SNX30: variants seen among roughly 807,000 people sequenced by gnomAD.
SNX30 encodes the protein sorting nexin family member 30, also known as sorting nexin-30.
A neutral mutation model predicts 46.4 loss-of-function variants in SNX30; 24 were observed. The ratio of observed to expected loss-of-function variants is 0.52; its 90% CI spans 0.37 to 0.73. SNX30 has a LOEUF of 0.73. Ranked by LOEUF, SNX30 falls within the 30% of genes least tolerant of loss-of-function variation. The probability of loss-of-function intolerance (pLI) is 0.00; values close to 1 mark genes in which losing one functional copy is unlikely to be tolerated. For missense variants in SNX30, 533 were observed against 555.7 expected (o/e 0.96, Z 0.41); for synonymous variants, 189 against 211.5 (o/e 0.89, Z 0.92).
At chr9:112,774,844 CTTTT>C (rs1279442088) in intron 1 of SNX30, among the ~76,000 whole-genome samples, 1 of 128,796 alleles carries the variant, frequency 7.8e-6, no homozygotes, top group Non-Finnish European at 1.6e-5. Context: ...TATTTATATG[CTTTT>C]TTTTTTTTTT....
chr9:112,806,614 C>T (rs924984856), intron 2 of SNX30, among the ~76,000 whole-genome samples: 27 of 152,056 alleles, frequency 1.8e-4, no homozygotes. Flanking sequence ...GAATAAAATA[C>T]TCAAGTTGTG....
At chr9:112,765,443 A>C (rs1197693619) in intron 1 of SNX30, among the ~76,000 whole-genome samples, 1 of 152,188 alleles carries the variant, frequency 6.6e-6, no homozygotes. Flanking sequence ...GTGAGCAAAC[A>C]CTGTCCATTT....
At position 112,824,533 on chromosome 9, in the gene SNX30, T is replaced by C. The variant is rs530881386; in HGVS notation, c.460-6192T>C. Among the ~76,000 whole-genome samples, 5 of 151,818 alleles carry C rather than the reference T, an allele frequency of 3.3e-5. No individual in the cohort carries two copies. The Middle Eastern group carries it at 0.01, about 310-fold the overall frequency. On this transcript the variant is annotated intron_variant, in intron 3 of 8. Coordinates refer to ENST00000374232, the MANE Select transcript of SNX30 (RefSeq NM_001012994.2). Reference sequence around the variant, plus strand: ...TCCCTCACCCCTACACCCAGGTGTTTTTTTTTTTTTAAGTACCTTAAACAA... The same window carrying C: ...TCCCTCACCCCTACACCCAGGTGTTCTTTTTTTTTTAAGTACCTTAAACAA...
At chr9:112,797,843 C>T (rs1398360417) in intron 1 of SNX30, among the ~76,000 whole-genome samples, 14 of 147,830 alleles carry the variant, frequency 9.5e-5, no homozygotes, top group African/African-American at 7.4e-5. Flanking sequence ...CCCGAGTAGG[C>T]GCACGCCACC....
chr9:112,766,893 A>G (rs1252526555), intron 1 of SNX30, among the ~76,000 whole-genome samples: 1 of 152,206 alleles, frequency 6.6e-6, no homozygotes, highest in Non-Finnish European at 1.5e-5. Flanking sequence ...CCTCTTGGCC[A>G]TTGTGAACAA....
intron 7 of SNX30, among the ~76,000 whole-genome samples, chr9:112,861,613 AG>A (rs1348774052): frequency 2.6e-5 from 4 of 152,210 alleles, no homozygotes; most frequent in Admixed American, 2.6e-4. Flanking sequence ...TCAGGAAAGC[AG>A]GACTTTGGGA....
At chr9:112,842,991 A>G (rs1490251873) in intron 6 of SNX30, among the ~76,000 whole-genome samples, 2 of 152,378 alleles carry the variant, frequency 1.3e-5, no homozygotes, top group Non-Finnish European at 2.9e-5. Flanking sequence ...GAGCCCTTAC[A>G]TAGGATTTCA....
chr9:112,776,510 A>G (rs1407780545), intron 1 of SNX30, among the ~76,000 whole-genome samples: 1 of 152,156 alleles, frequency 6.6e-6, no homozygotes, highest in Non-Finnish European at 1.5e-5. Flanking sequence ...CAGTCTGCAG[A>G]TGTGCGGATC....
At chr9:112,809,109 C>T (rs1840276881) in intron 2 of SNX30, among the ~76,000 whole-genome samples, 2 of 139,930 alleles carry the variant, frequency 1.4e-5, no homozygotes, top group South Asian at 2.3e-4. Context: ...TTTTTTTTGA[C>T]AGAGTCTTGC....
chr9:112,838,444 A>G (rs778230437), intron 5 of SNX30, 54 bp from the exon 6 acceptor site: 235 of 1,488,556 alleles, frequency 1.6e-4, no homozygotes, highest in Non-Finnish European at 2.1e-4. Flanking sequence ...TGAGTCAGTA[A>G]TAGCAGCAAC....
chr9:112,877,635 C>T (rs1254074502), downstream of SNX30: 2 of 152,236 alleles, frequency 1.3e-5, no homozygotes, highest in Non-Finnish European at 2.9e-5. Flanking sequence ...ACTCCTGTAG[C>T]CTCTAACTCC....
At position 112,829,088 on chromosome 9, in the gene SNX30, T is replaced by G. The variant is rs541583540; in HGVS notation, c.460-1637T>G. ...CCATGATGTAGCATGTTTTAGTACT[T>G]AGTTTTTATGACAAACTATTAGTCC... On this transcript the variant is annotated intron_variant, in intron 3 of 8. Transcript: ENST00000374232. Among the ~76,000 whole-genome samples, 8 of 152,338 alleles carry G rather than the reference T, an allele frequency of 5.3e-5. No homozygotes were observed. The South Asian group carries it at 1.5e-3, about 28-fold the overall frequency.
rs368120332 is a variant in SNX30, at chr9:112,850,960, C to T, written c.1101+15C>T. 1.8e-5 allele frequency: 29 copies of T among 1,602,136 alleles called. No individual in the cohort carries two copies. Among genetic ancestry groups the T allele is most frequent in the Admixed American group, 8.3e-5 (5 of 59,924 alleles). ...ACCGCCCCAAGGTCAGGGAAGCCAC[C>T]TGGGAAGGGCTGCAAAGCTGTAGTC... On this transcript the variant is annotated intron_variant, in intron 7 of 8. Coordinates refer to ENST00000374232, the MANE Select transcript of SNX30 (RefSeq NM_001012994.2).
chr9:112,817,567 C>T, intron 2 of SNX30, 138 bp from the exon 3 acceptor site: 2 of 618,536 alleles, frequency 3.2e-6, no homozygotes, highest in Non-Finnish European at 5.8e-6. Context: ...TTGGTAAACT[C>T]TGCCATTTGG....
intron 3 of SNX30, among the ~76,000 whole-genome samples, chr9:112,822,262 C>G (rs752068618): frequency 1.3e-5 from 2 of 152,112 alleles, no homozygotes; most frequent in Non-Finnish European, 2.9e-5. Context: ...CAGAAGTATG[C>G]TGGTTGTATA....
chr9:112,861,750 C>T (rs556164070), intron 7 of SNX30, among the ~76,000 whole-genome samples: 2 of 152,254 alleles, frequency 1.3e-5, no homozygotes, highest in African/African-American at 2.4e-5. Context: ...TGTCTTCTCT[C>T]CTCTGTCCCT....
chr9:112,794,402 C>T (rs1223924071), intron 1 of SNX30, among the ~76,000 whole-genome samples: 2 of 152,146 alleles, frequency 1.3e-5, no homozygotes, highest in African/African-American at 2.4e-5. Flanking sequence ...CCACCCGCCT[C>T]GACCTCCCAA....
At chr9:112,751,217 G>A (rs1564255819) in intron 1 of SNX30, 60 bp downstream of exon 1, 2 of 1,342,434 alleles carry the variant, frequency 1.5e-6, no homozygotes, top group Non-Finnish European at 1.9e-6. Flanking sequence ...GGGGGATGAT[G>A]GATCCGGAGC....
At chr9:112,755,073 A>G (rs1839327460) in intron 1 of SNX30, among the ~76,000 whole-genome samples, 1 of 152,210 alleles carries the variant, frequency 6.6e-6, no homozygotes, top group African/African-American at 2.4e-5. Flanking sequence ...ACTATGAGCC[A>G]GGCACTGTTC....
Sources: gnomAD v4.1 joint callset for allele counts (sites outside exome capture counted in the v4.1 genomes callset) on GRCh38, gnomAD v4.1.1 for gene constraint, MANE v1.5 for transcripts, NCBI Gene and HGNC (gene_info 2026-07-23, HGNC 2026-07-21) for gene names.